Variants in BNC2 observed in about 807,000 individuals in gnomAD.
BNC2 encodes the protein basonuclin zinc finger protein 2, also known as zinc finger protein basonuclin-2.
BNC2 carries 20 observed loss-of-function variants against 76.3 expected under a neutral mutation model. That is an observed-to-expected ratio of 0.26 (90% CI 0.18 to 0.38). The LOEUF (loss-of-function observed/expected upper bound fraction) is 0.38. BNC2 is among the 10% of genes least tolerant of loss of function. The probability of loss-of-function intolerance (pLI) is 1.00; values close to 1 mark genes in which losing one functional copy is unlikely to be tolerated. For missense variants in BNC2, 1,382 were observed against 1,399.8 expected (o/e 0.99, Z 0.20); for synonymous variants, 582 against 514.8 (o/e 1.13, Z -1.77).
chr9:16,853,825 G>C (rs115680253), intron 1 of BNC2, among the ~76,000 whole-genome samples: 3 of 152,298 alleles, frequency 2.0e-5, no homozygotes, highest in African/African-American at 7.2e-5. Flanking sequence ...CCAAGACTGA[G>C]CCACTGCACT....
In BNC2 at chr9:16,688,311, A is replaced by C. The variant is rs140513954; in HGVS notation, c.330+39486T>G. The stretch of plus-strand genomic sequence containing the variant: ...AACCTAATTAGTTGTAATTTAGCAC[A>C]TCTCATTCCACCTTTTGATTTAGAA... On this transcript the variant is annotated intron_variant, in intron 3 of 6. Coordinates refer to ENST00000380672, the MANE Select transcript of BNC2 (RefSeq NM_017637.6). 1.8e-3 allele frequency among the ~76,000 whole-genome samples: 268 copies of C among 152,334 alleles called. 2 individuals are homozygous for C. Among genetic ancestry groups the C allele is most frequent in the Middle Eastern group, 0.017 (5 of 294 alleles).
intron 3 of BNC2, among the ~76,000 whole-genome samples, chr9:16,593,976 A>G (rs530538037): frequency 6.6e-6 from 1 of 152,250 alleles, no homozygotes; most frequent in South Asian, 2.1e-4. Context: ...CCATTGATAT[A>G]TATTTTATTC....
intron 4 of BNC2, among the ~76,000 whole-genome samples, chr9:16,556,368 G>A (rs907713868): frequency 6.6e-6 from 1 of 152,050 alleles, no homozygotes; most frequent in East Asian, 1.9e-4. Context: ...ACGATGAAAA[G>A]GCGGACTAGA....
chr9:16,797,553 T>A (rs1817688267), intron 1 of BNC2, among the ~76,000 whole-genome samples: 1 of 152,100 alleles, frequency 6.6e-6, no homozygotes, highest in African/African-American at 2.4e-5. Flanking sequence ...GTTGGCCTCT[T>A]AAGGATGACA....
intron 1 of BNC2, among the ~76,000 whole-genome samples, chr9:16,796,835 C>T (rs1817667702): frequency 6.6e-6 from 1 of 152,124 alleles, no homozygotes; most frequent in South Asian, 2.1e-4. Flanking sequence ...TTGCTAACTA[C>T]CATTTATTTA....
At chr9:16,449,854 T>C in intron 5 of BNC2, among the ~76,000 whole-genome samples, 1 of 130,232 alleles carries the variant, frequency 7.7e-6, no homozygotes, top group South Asian at 2.7e-4. Flanking sequence ...GGGGGGAGGG[T>C]AACTAAAATT....
At chr9:16,420,871 C>G (rs1820696043) in intron 6 of BNC2, among the ~76,000 whole-genome samples, 1 of 152,118 alleles carries the variant, frequency 6.6e-6, no homozygotes, top group South Asian at 2.1e-4. Context: ...CCTGCAAAGG[C>G]TCACATGTTC....
At chr9:16,547,486 T>C (rs1312623277) in intron 5 of BNC2, among the ~76,000 whole-genome samples, 1 of 152,214 alleles carries the variant, frequency 6.6e-6, no homozygotes, top group Non-Finnish European at 1.5e-5. Context: ...TGCTCTGCAT[T>C]TGTGTTGTTC....
At chr9:16,568,317 G>A (rs1819223868) in intron 4 of BNC2, among the ~76,000 whole-genome samples, 1 of 152,066 alleles carries the variant, frequency 6.6e-6, no homozygotes, top group African/African-American at 2.4e-5. Context: ...AGCAATTTCT[G>A]GGGTCAGATT....
chr9:16,452,039 G>T (rs73645979), intron 5 of BNC2, among the ~76,000 whole-genome samples: 6,155 of 152,252 alleles, frequency 0.04, 432 homozygotes, highest in African/African-American at 0.14. Context: ...ACCTGACCTG[G>T]TCGAGTGCTT....
intron 1 of BNC2, among the ~76,000 whole-genome samples, chr9:16,764,360 AT>A (rs1291668076): frequency 1.3e-5 from 2 of 152,228 alleles, no homozygotes; most frequent in African/African-American, 4.8e-5. Context: ...CCTCAATTTC[AT>A]TTTTATTTTC....
At chr9:16,751,662 G>GTA (rs1563926966) in intron 1 of BNC2, among the ~76,000 whole-genome samples, 8 of 83,170 alleles carry the variant, frequency 9.6e-5, no homozygotes, top group Non-Finnish European at 2.3e-4. Context: ...ATATATATAT[G>GTA]TATGTATGTG....
At chr9:16,662,580 A>G (rs571189157) in intron 3 of BNC2, among the ~76,000 whole-genome samples, 13 of 152,256 alleles carry the variant, frequency 8.5e-5, no homozygotes, top group South Asian at 4.1e-4. Flanking sequence ...CACTAAACAT[A>G]CAAAAATTAG....
In BNC2 at chr9:16,584,704, T is replaced by C. The variant is rs183652270; in HGVS notation, c.331-1619A>G. 3.4e-3 allele frequency among the ~76,000 whole-genome samples: 519 copies of C among 152,300 alleles called. 3 individuals are homozygous for C. Among genetic ancestry groups the C allele is most frequent in the African/African-American group, 0.012 (485 of 41,564 alleles). ...GAGAAACGTTTCTTCCAGAAGTTCT[T>C]AAATTTCAATAATTTGTTAACTGAG... is the stretch of plus-strand genomic sequence containing the variant. On this transcript the variant is annotated intron_variant, in intron 3 of 6. Transcript: ENST00000380672.
intron 3 of BNC2, among the ~76,000 whole-genome samples, chr9:16,659,340 A>G (rs1008831203): frequency 5.3e-5 from 8 of 152,090 alleles, no homozygotes; most frequent in Admixed American, 6.6e-5. Flanking sequence ...CGGCGGGCAC[A>G]GTGGCTCACG....
At chr9:16,646,229 C>T (rs190628545) in intron 3 of BNC2, among the ~76,000 whole-genome samples, 6 of 152,224 alleles carry the variant, frequency 3.9e-5, no homozygotes, top group African/African-American at 1.4e-4. Context: ...GGCATTCAGC[C>T]CACAGCTGGG....
At chr9:16,770,822 G>A (rs116555795) in intron 1 of BNC2, among the ~76,000 whole-genome samples, 2,671 of 151,624 alleles carry the variant, frequency 0.018, 65 homozygotes, top group African/African-American at 0.059. Context: ...CCAAGATAGC[G>A]AGATCATGCC....
At chr9:16,755,800 T>C (rs965415692) in intron 1 of BNC2, among the ~76,000 whole-genome samples, 35 of 152,310 alleles carry the variant, frequency 2.3e-4, no homozygotes, top group Non-Finnish European at 4.4e-4. Flanking sequence ...CACCATCTGC[T>C]ATTGAGGGCT....
intron 5 of BNC2, among the ~76,000 whole-genome samples, chr9:16,442,216 A>G (rs1821143151): frequency 6.6e-6 from 1 of 152,248 alleles, no homozygotes; most frequent in African/African-American, 2.4e-5. Context: ...AACTGGCTAT[A>G]CTGTTAATTA....
Sources: allele counts gnomAD v4.1 joint callset (sites outside exome capture counted in the v4.1 genomes callset), GRCh38; gene constraint gnomAD v4.1.1; transcripts MANE v1.5; gene names NCBI Gene and HGNC (gene_info 2026-07-23, HGNC 2026-07-21).